The following KCNH7 variants were observed in gnomAD, a reference collection of about 807,000 sequenced individuals.
KCNH7 encodes the protein voltage-gated inwardly rectifying potassium channel KCNH7.
Under a neutral mutation model 120.8 loss-of-function variants are expected in KCNH7, and 49 were observed. The observed-to-expected ratio is 0.41, with a 90% CI of 0.32 to 0.51. KCNH7 has a LOEUF of 0.51. Among genes scored for constraint, KCNH7 ranks in the 20% least tolerant of loss-of-function variants. KCNH7 has a pLI of 0.38. For missense variants in KCNH7, 1,097 were observed against 1,446.6 expected, an observed-to-expected ratio of 0.76 and a Z score of 3.92; for synonymous variants, 547 against 516.1, an observed-to-expected ratio of 1.06 and a Z score of -0.81.
intron 2 of KCNH7, among the ~76,000 whole-genome samples, chr2:162,614,588 A>T (rs2105977910): frequency 6.6e-6 from 1 of 151,950 alleles, no homozygotes; most frequent in East Asian, 1.9e-4. Flanking sequence ...CAAAGTGGAT[A>T]AATATTAAAA....
intron 9 of KCNH7, among the ~76,000 whole-genome samples, chr2:162,412,868 C>G (rs750496339): frequency 6.6e-6 from 1 of 152,208 alleles, no homozygotes; most frequent in Non-Finnish European, 1.5e-5. Flanking sequence ...CTCATAATTC[C>G]TAAATCCTTG....
At chr2:162,481,029 C>T (rs1018843098) in intron 6 of KCNH7, among the ~76,000 whole-genome samples, 3 of 152,148 alleles carry the variant, frequency 2.0e-5, no homozygotes, top group African/African-American at 7.2e-5. Flanking sequence ...TGGCTTCCTT[C>T]GTGTTTTAAT....
intron 6 of KCNH7, among the ~76,000 whole-genome samples, chr2:162,480,325 G>A (rs1689889939): frequency 6.6e-6 from 1 of 152,054 alleles, no homozygotes; most frequent in African/African-American, 2.4e-5. Context: ...AAGGCTGTTT[G>A]ACTGAACCCC....
intron 2 of KCNH7, among the ~76,000 whole-genome samples, chr2:162,757,242 G>T (rs1688816330): frequency 6.6e-6 from 1 of 152,068 alleles, no homozygotes; most frequent in Non-Finnish European, 1.5e-5. Flanking sequence ...AAATTAAAAT[G>T]GGAATATCAG....
At chr2:162,394,545 A>T in intron 11 of KCNH7, 60 bp from the exon 12 acceptor site, 1 of 973,412 alleles carries the variant, frequency 1.0e-6, no homozygotes, top group Non-Finnish European at 1.6e-6. Context: ...ACAATGTACT[A>T]TTCAGTAAAC....
intron 6 of KCNH7, among the ~76,000 whole-genome samples, chr2:162,447,494 A>T (rs1032476080): frequency 6.6e-6 from 1 of 152,156 alleles, no homozygotes; most frequent in African/African-American, 2.4e-5. Flanking sequence ...CAATTTAAAA[A>T]GGGAAATGTG....
chr2:162,385,888 A>G (rs553291123), intron 12 of KCNH7, among the ~76,000 whole-genome samples: 4 of 152,040 alleles, frequency 2.6e-5, no homozygotes, highest in Admixed American at 2.0e-4. Flanking sequence ...AAAAATTCCC[A>G]TATGGCATAG....
intron 2 of KCNH7, among the ~76,000 whole-genome samples, chr2:162,808,559 T>C (rs959713722): frequency 6.6e-6 from 1 of 152,182 alleles, no homozygotes; most frequent in African/African-American, 2.4e-5. Context: ...ATTTAAAAAC[T>C]GTCAATTCAC....
intron 2 of KCNH7, among the ~76,000 whole-genome samples, chr2:162,782,859 G>A (rs964360473): frequency 1.3e-5 from 2 of 152,146 alleles, no homozygotes; most frequent in South Asian, 2.1e-4. Context: ...CATGTTTCTC[G>A]AAATCTCCTC....
chr2:162,492,878 T>TG (rs1250825564), intron 6 of KCNH7, among the ~76,000 whole-genome samples: 2 of 136,706 alleles, frequency 1.5e-5, no homozygotes, highest in African/African-American at 6.3e-5. Context: ...TTTTTTTTTT[T>TG]TTTTTTTTTT....
At chr2:162,746,347 A>G (rs775074192) in intron 2 of KCNH7, among the ~76,000 whole-genome samples, 1 of 152,154 alleles carries the variant, frequency 6.6e-6, no homozygotes, top group Non-Finnish European at 1.5e-5. Flanking sequence ...TTGGACAGTA[A>G]TGTTTTGAGT....
intron 12 of KCNH7, among the ~76,000 whole-genome samples, chr2:162,393,060 T>C (rs1382671278): frequency 6.6e-6 from 1 of 151,960 alleles, no homozygotes; most frequent in Non-Finnish European, 1.5e-5. Context: ...GGAGACCTAA[T>C]TTGAAGACTA....
chr2:162,770,141 A>G (rs989810847), intron 2 of KCNH7, among the ~76,000 whole-genome samples: 2 of 152,056 alleles, frequency 1.3e-5, no homozygotes, highest in African/African-American at 4.8e-5. Flanking sequence ...GAATTTGATT[A>G]CATATTTGCC....
intron 2 of KCNH7, among the ~76,000 whole-genome samples, chr2:162,703,299 C>T (rs1686580696): frequency 6.6e-6 from 1 of 152,002 alleles, no homozygotes; most frequent in Non-Finnish European, 1.5e-5. Flanking sequence ...TATCTAAGGT[C>T]AAATACTTAA....
At chr2:162,411,215 T>C (rs1055633138) in intron 9 of KCNH7, among the ~76,000 whole-genome samples, 3 of 151,872 alleles carry the variant, frequency 2.0e-5, no homozygotes, top group African/African-American at 7.2e-5. Flanking sequence ...ATAAGATGCC[T>C]ATCAACGGTG....
intron 2 of KCNH7, among the ~76,000 whole-genome samples, chr2:162,588,968 G>T (rs1694113849): frequency 6.6e-6 from 1 of 152,022 alleles, no homozygotes. Flanking sequence ...GCACAGCCTG[G>T]CTAACCAGGA....
intron 2 of KCNH7, among the ~76,000 whole-genome samples, chr2:162,701,101 A>G (rs1322138786): frequency 3.3e-5 from 5 of 152,180 alleles, no homozygotes; most frequent in African/African-American, 1.2e-4. Context: ...TAGTACAGTC[A>G]ATGAATTGTT....
At chr2:162,752,978 GAAAAGA>G (rs1688642092) in intron 2 of KCNH7, among the ~76,000 whole-genome samples, 7 of 114,548 alleles carry the variant, frequency 6.1e-5, no homozygotes, top group African/African-American at 3.6e-4. Flanking sequence ...GAAAAGAAAA[GAAAAGA>G]AAAGAAAAGA....
intron 2 of KCNH7, among the ~76,000 whole-genome samples, chr2:162,743,622 T>C (rs1688216254): frequency 6.6e-6 from 1 of 152,116 alleles, no homozygotes; most frequent in African/African-American, 2.4e-5. Context: ...ACATAAAATG[T>C]TTCAATGCAG....
Sources: allele counts gnomAD v4.1 joint callset (sites outside exome capture counted in the v4.1 genomes callset), GRCh38; gene constraint gnomAD v4.1.1; transcripts MANE v1.5; gene names NCBI Gene and HGNC (gene_info 2026-07-23, HGNC 2026-07-21).